The following COMMD10 variants were observed in gnomAD, a reference collection of about 807,000 sequenced individuals.
COMMD10 encodes the protein COMM domain containing 10.
In COMMD10, 33 loss-of-function variants were observed where a neutral mutation model predicts 28.9. The observed-to-expected ratio is 1.14, with a 90% CI of 0.87 to 1.53. The LOEUF is 1.53. COMMD10 is among the 40% of genes most tolerant of loss of function. The probability of loss-of-function intolerance (pLI) is 0.00; values close to 1 mark genes in which losing one functional copy is unlikely to be tolerated. For synonymous variants in COMMD10, 110 were observed against 81.7 expected (o/e 1.35, Z -1.87); for missense variants, 310 against 233.4 (o/e 1.33, Z -2.14).
intron 4 of COMMD10, among the ~76,000 whole-genome samples, chr5:116,127,482 T>C (rs1368183094): frequency 6.6e-6 from 1 of 152,214 alleles, no homozygotes; most frequent in Non-Finnish European, 1.5e-5. Flanking sequence ...CACACGCATG[T>C]TTATAGTGGC....
intron 4 of COMMD10, among the ~76,000 whole-genome samples, chr5:116,118,874 T>C (rs905780035): frequency 3.9e-5 from 6 of 152,228 alleles, no homozygotes; most frequent in Non-Finnish European, 7.3e-5. Flanking sequence ...GCATAAGTAA[T>C]TGGCTGAAAC....
At chr5:116,109,619 A>T (rs997079297) in intron 4 of COMMD10, among the ~76,000 whole-genome samples, 2 of 151,930 alleles carry the variant, frequency 1.3e-5, no homozygotes, top group African/African-American at 4.8e-5. Flanking sequence ...AAAAATTCCT[A>T]TGTATTGTAT....
chr5:116,185,502 G>A (rs1259221809), intron 5 of COMMD10, among the ~76,000 whole-genome samples: 1 of 151,634 alleles, frequency 6.6e-6, no homozygotes, highest in African/African-American at 2.4e-5. Flanking sequence ...TTTCTCCGAT[G>A]CCACCCTGCT....
chr5:116,247,232 A>C (rs1749978073), intron 5 of COMMD10, among the ~76,000 whole-genome samples: 1 of 152,126 alleles, frequency 6.6e-6, no homozygotes, highest in Non-Finnish European at 1.5e-5. Context: ...GCTCAACATC[A>C]CTGATTATTA....
chr5:116,164,320 C>CA (rs11436948), intron 5 of COMMD10, among the ~76,000 whole-genome samples: 46,303 of 149,562 alleles, frequency 0.31, 9,670 homozygotes, highest in African/African-American at 0.6. Context: ...AACTCGGTCT[C>CA]AAAAAAAATA....
chr5:116,247,433 G>A (rs984499674), intron 5 of COMMD10, among the ~76,000 whole-genome samples: 1 of 152,072 alleles, frequency 6.6e-6, no homozygotes, highest in Non-Finnish European at 1.5e-5. Flanking sequence ...CCTAACAGCA[G>A]AAATACCATT....
chr5:116,173,185 A>C (rs946328237), intron 5 of COMMD10, among the ~76,000 whole-genome samples: 1 of 152,118 alleles, frequency 6.6e-6, no homozygotes, highest in African/African-American at 2.4e-5. Flanking sequence ...TCCATTTTTG[A>C]AGTAGTTTAC....
In COMMD10 at chr5:116,213,164, T is replaced by C. The variant is rs572717572; in HGVS notation, c.511-78353T>C. On this transcript the variant is annotated intron_variant, in intron 5 of 6. Transcript: ENST00000274458. The stretch of plus-strand genomic sequence containing the variant: ...GGAGCCCTAGGGTATGAAAAAACAG[T>C]CTTCCCTTTTTAATTATGAGAAGTT... 5.9e-5 allele frequency among the ~76,000 whole-genome samples: 9 copies of C among 152,164 alleles called. No homozygotes were observed. The South Asian group carries it at 1.9e-3, about 32-fold the overall frequency.
intron 5 of COMMD10, among the ~76,000 whole-genome samples, chr5:116,289,453 T>C (rs1479067920): frequency 6.6e-6 from 1 of 151,972 alleles, no homozygotes; most frequent in East Asian, 1.9e-4. Flanking sequence ...AAATGTTTTC[T>C]GATATTTTGC....
intron 5 of COMMD10, among the ~76,000 whole-genome samples, chr5:116,245,251 A>G (rs768701511): frequency 4.6e-5 from 7 of 152,116 alleles, no homozygotes; most frequent in Non-Finnish European, 1.0e-4. Context: ...TCTAGAAGCA[A>G]TGGATAAATT....
intron 5 of COMMD10, among the ~76,000 whole-genome samples, chr5:116,155,381 A>T (rs7701528): frequency 0.32 from 48,894 of 151,908 alleles, 11,141 homozygotes; most frequent in African/African-American, 0.65. Flanking sequence ...ATTTCTTTGA[A>T]TTTAAAAACG....
intron 5 of COMMD10, among the ~76,000 whole-genome samples, chr5:116,268,859 A>T (rs111577546): frequency 5.3e-5 from 8 of 151,754 alleles, no homozygotes; most frequent in African/African-American, 1.7e-4. Flanking sequence ...AGAAAACCAA[A>T]CACCGCATAT....
intron 4 of COMMD10, among the ~76,000 whole-genome samples, chr5:116,110,710 A>G (rs79354978): frequency 0.028 from 4,279 of 152,284 alleles, 102 homozygotes; most frequent in East Asian, 0.14. Flanking sequence ...GCATGATGCT[A>G]GCACCTGGGG....
Position 116,134,182 on chromosome 5 carries a change from A to C in COMMD10, c.510+4A>C. On this transcript the variant is annotated splice_donor_region_variant and intron_variant, in intron 5 of 6. Coordinates refer to ENST00000274458, the MANE Select transcript of COMMD10 (RefSeq NM_016144.4). ...AGTGAACAATGAAGATTCAAAGGTA[A>C]GAAATGGTATCCCATTAAAAGGATG... 1 of 1,506,340 alleles carries C rather than the reference A, an allele frequency of 6.6e-7. No homozygotes were observed. Among genetic ancestry groups the C allele is most frequent in the Non-Finnish European group, 9.2e-7 (1 of 1,081,226 alleles). 93.3% of individuals were successfully genotyped at this position (1,506,340 alleles called of 1,614,324 possible).
chr5:116,240,054 A>C (rs574092453), intron 5 of COMMD10, among the ~76,000 whole-genome samples: 1 of 152,280 alleles, frequency 6.6e-6, no homozygotes, highest in South Asian at 2.1e-4. Context: ...TTTGCTTTAT[A>C]AAAGTGAGCA....
At chr5:116,169,089 A>C (rs1753231515) in intron 5 of COMMD10, among the ~76,000 whole-genome samples, 1 of 152,228 alleles carries the variant, frequency 6.6e-6, no homozygotes, top group Admixed American at 6.5e-5. Flanking sequence ...AATTAACAAA[A>C]TAGACCTCTA....
At chr5:116,122,558 A>G (rs970170086) in intron 4 of COMMD10, among the ~76,000 whole-genome samples, 2 of 152,210 alleles carry the variant, frequency 1.3e-5, no homozygotes, top group African/African-American at 4.8e-5. Context: ...TTGAATCTAT[A>G]AATTACCTTG....
chr5:116,106,090 TTTG>T (rs758816025), intron 4 of COMMD10, among the ~76,000 whole-genome samples: 24 of 149,108 alleles, frequency 1.6e-4, no homozygotes, highest in Admixed American at 3.3e-4. Context: ...TTTGTTGAGT[TTTG>T]TTTTATTTTT....
chr5:116,159,045 T>C (rs1752832229), intron 5 of COMMD10, among the ~76,000 whole-genome samples: 1 of 152,212 alleles, frequency 6.6e-6, no homozygotes, highest in Non-Finnish European at 1.5e-5. Flanking sequence ...GAATCTGTCA[T>C]CTGTGCCTCT....
Sources: allele counts gnomAD v4.1 joint callset (sites outside exome capture counted in the v4.1 genomes callset), GRCh38; gene constraint gnomAD v4.1.1; transcripts MANE v1.5; gene names NCBI Gene and HGNC (gene_info 2026-07-23, HGNC 2026-07-21).